Variants in EML4 observed in about 807,000 individuals in gnomAD.
EML4 encodes the protein EMAP like 4, also known as echinoderm microtubule-associated protein-like 4.
In EML4, 72 loss-of-function variants were observed where a neutral mutation model predicts 129.0. The ratio of observed to expected loss-of-function variants is 0.56; its 90% CI spans 0.46 to 0.68. The LOEUF is 0.68. Ranked by LOEUF, EML4 falls within the 30% of genes least tolerant of loss-of-function variation. The pLI, the probability that EML4 is intolerant of heterozygous loss-of-function variation, is 0.00. For synonymous variants in EML4, 532 were observed against 405.0 expected (o/e 1.31, Z -3.77); for missense variants, 1,363 against 1,190.6 (o/e 1.14, Z -2.13).
chr2:42,219,309 G>T (rs183807118), intron 1 of EML4, among the ~76,000 whole-genome samples: 89 of 152,244 alleles, frequency 5.8e-4, no homozygotes, highest in African/African-American at 2.0e-3. Flanking sequence ...TGCCAAACCT[G>T]TGTATACAGA....
intron 9 of EML4, among the ~76,000 whole-genome samples, chr2:42,285,531 A>C (rs1317403921): frequency 6.6e-6 from 1 of 152,080 alleles, no homozygotes; most frequent in Non-Finnish European, 1.5e-5. Flanking sequence ...GATTAGTAAT[A>C]CTAAAAGCAA....
rs56808218 is a variant in EML4, at chr2:42,245,094, C to CTTTTTTTTTTTTTTT, written c.26-407_26-393dup. On this transcript the variant is annotated intron_variant, in intron 1 of 22. Coordinates refer to ENST00000318522, the MANE Select transcript of EML4 (RefSeq NM_019063.5). The stretch of plus-strand genomic sequence containing the variant: ...AGTTTTTTGTTTTGAAATTTTCTTT[C>CTTTTTTTTTTTTTTT]TTTTTTTTTTTTTTTTTTGAGACAG... Among the ~76,000 whole-genome samples the CTTTTTTTTTTTTTTT allele has an allele frequency of 8.7e-3, 576 of 66,512 alleles. 91 individuals carry two copies. The highest frequency in any genetic ancestry group is 0.021 in the Admixed American group (92 of 4,294). 43.6% of individuals were successfully genotyped at this position (66,512 alleles called of 152,430 possible).
chr2:42,299,621 A>C (rs963389863), intron 13 of EML4, among the ~76,000 whole-genome samples: 11 of 152,196 alleles, frequency 7.2e-5, no homozygotes, highest in Admixed American at 7.2e-4. Flanking sequence ...GACATTTCAT[A>C]TAAATGGAGT....
chr2:42,294,959 A>G (rs552862778), intron 11 of EML4, among the ~76,000 whole-genome samples, 166 bp from the exon 12 acceptor site: 6 of 152,228 alleles, frequency 3.9e-5, no homozygotes, highest in Non-Finnish European at 5.9e-5. Context: ...AATTTAAATC[A>G]TCCCAAAAAA....
intron 17 of EML4, among the ~76,000 whole-genome samples, chr2:42,313,699 G>A (rs1359855464): frequency 2.0e-5 from 3 of 152,212 alleles, no homozygotes; most frequent in Admixed American, 6.5e-5. Context: ...AGGACAAGGC[G>A]AGGGGATCAC....
chr2:42,210,807 CTT>C (rs1268585237), intron 1 of EML4, among the ~76,000 whole-genome samples: 9 of 152,258 alleles, frequency 5.9e-5, no homozygotes, highest in Non-Finnish European at 1.2e-4. Flanking sequence ...AATAAAAACT[CTT>C]TTGAGAACTT....
At chr2:42,262,854 GT>G (rs1439455528) in intron 4 of EML4, among the ~76,000 whole-genome samples, 2 of 151,866 alleles carry the variant, frequency 1.3e-5, no homozygotes, top group Non-Finnish European at 2.9e-5. Context: ...AAAAATACAG[GT>G]TTTTTTGTAA....
At chr2:42,222,351 C>T (rs1336018675) in intron 1 of EML4, among the ~76,000 whole-genome samples, 3 of 151,684 alleles carry the variant, frequency 2.0e-5, no homozygotes, top group Admixed American at 2.0e-4. Context: ...TCCTGTGAGC[C>T]AAAAATGGTT....
intron 14 of EML4, among the ~76,000 whole-genome samples, chr2:42,301,776 T>C (rs990121430): frequency 3.9e-5 from 6 of 152,110 alleles, no homozygotes; most frequent in African/African-American, 1.4e-4. Flanking sequence ...AGGATCCTGA[T>C]AGTACTGCTC....
intron 17 of EML4, among the ~76,000 whole-genome samples, chr2:42,315,262 C>T (rs918512740): frequency 1.3e-5 from 2 of 152,122 alleles, no homozygotes; most frequent in African/African-American, 2.4e-5. Flanking sequence ...CCTATGAGTT[C>T]CTCTGTTATA....
rs1670052728 is a variant in EML4 at position 42,330,587 on chromosome 2, C to T, written c.*380C>T. 5.0e-6 allele frequency: 2 copies of T among 403,064 alleles called. No homozygotes were observed. Among genetic ancestry groups the T allele is most frequent in the East Asian group, 8.7e-5 (2 of 23,108 alleles). The allele number at this position is 403,064 out of a possible 1,614,324, so 25.0% of individuals were successfully genotyped here. A position where few individuals can be genotyped will look rare whatever the true frequency, so the allele number is the denominator to read the frequency against. ...GGAACAACCAGAGGTATCACAAACA[C>T]TGTTACTCATCTACTGGCTCAGACT... On this transcript the variant is annotated 3_prime_UTR_variant, in exon 23 of 23. Transcript: ENST00000318522.
At chr2:42,172,089 C>T (rs1451800322) in intron 1 of EML4, among the ~76,000 whole-genome samples, 1 of 151,344 alleles carries the variant, frequency 6.6e-6, no homozygotes, top group African/African-American at 2.4e-5. Flanking sequence ...GAAGTCAAAA[C>T]GTGAAGTTCT....
intron 5 of EML4, among the ~76,000 whole-genome samples, chr2:42,264,103 GTTTTTTTT>G (rs9309080): frequency 9.9e-6 from 1 of 100,748 alleles, no homozygotes. Context: ...AACAATACGT[GTTTTTTTT>G]TTTTTTTTTT....
intron 19 of EML4, 44 bp from the exon 20 acceptor site, chr2:42,325,423 C>A (rs976566744): frequency 2.2e-6 from 2 of 902,754 alleles, no homozygotes; most frequent in Non-Finnish European, 3.6e-6. Flanking sequence ...GTTTATCATT[C>A]AGAACTCTAA....
chr2:42,174,773 T>C (rs1397606677), intron 1 of EML4, among the ~76,000 whole-genome samples: 1 of 152,204 alleles, frequency 6.6e-6, no homozygotes, highest in Non-Finnish European at 1.5e-5. Flanking sequence ...GGGAGATAAA[T>C]TATTATACTT....
In EML4 at chr2:42,280,836, T is replaced by C; in HGVS notation, c.668-14T>C. ...AAATACGTATGACTTAACTTTTGTC[T>C]TGTGTTTCAACAGAAGGAGAATATA... On this transcript the variant is annotated splice_polypyrimidine_tract_variant and intron_variant, in intron 6 of 22. Transcript: ENST00000318522. The C allele has an allele frequency of 1.3e-6, 2 of 1,596,428 alleles. No homozygotes were observed. Among genetic ancestry groups the C allele is most frequent in the African/African-American group, 1.3e-5 (1 of 74,128 alleles).
chr2:42,312,270 C>T (rs1442707867), intron 17 of EML4, among the ~76,000 whole-genome samples: 1 of 151,972 alleles, frequency 6.6e-6, no homozygotes, highest in African/African-American at 2.4e-5. Context: ...CTAAGCCCCC[C>T]CCCACCATCG....
At position 42,295,521 on chromosome 2, in the gene EML4, A is replaced by T; in HGVS notation, c.1489+5A>T. ...CACCTGGGAAAGGACCTAAAGGTAC[A>T]GTATTCTTATATTAAACTCATTTCT... On this transcript the variant is annotated splice_donor_5th_base_variant and intron_variant, in intron 13 of 22. Coordinates refer to ENST00000318522, the MANE Select transcript of EML4 (RefSeq NM_019063.5). 2.5e-6 allele frequency: 4 copies of T among 1,608,368 alleles called. No individual in the cohort carries two copies. The highest frequency in any genetic ancestry group is 3.4e-6 in the Non-Finnish European group (4 of 1,178,364).
chr2:42,323,089 GAAAGCTTTGCAC>G (rs1245819011), intron 19 of EML4, among the ~76,000 whole-genome samples: 5 of 151,996 alleles, frequency 3.3e-5, no homozygotes, highest in East Asian at 3.9e-4. Context: ...TTGAACTATT[GAAAGCTTTGCAC>G]AAAGCTTTGC....
Sources: gnomAD v4.1 joint callset for allele counts (sites outside exome capture counted in the v4.1 genomes callset) on GRCh38, gnomAD v4.1.1 for gene constraint, MANE v1.5 for transcripts, NCBI Gene and HGNC (gene_info 2026-07-23, HGNC 2026-07-21) for gene names.